The following ADCY1 variants were observed in gnomAD, a reference collection of about 807,000 sequenced individuals.
ADCY1 encodes the protein adenylate cyclase type 1.
A neutral mutation model predicts 105.4 loss-of-function variants in ADCY1; 28 were observed. The ratio of observed to expected loss-of-function variants is 0.27; its 90% CI spans 0.20 to 0.36. The LOEUF (loss-of-function observed/expected upper bound fraction) is 0.36, where lower values mean the gene tolerates loss of function less well. Among genes scored for constraint, ADCY1 ranks in the 10% least tolerant of loss-of-function variants. The probability of loss-of-function intolerance (pLI) is 1.00; values close to 1 mark genes in which losing one functional copy is unlikely to be tolerated. For missense variants in ADCY1, 977 were observed against 1,434.2 expected (o/e 0.68, Z 5.15); for synonymous variants, 655 against 623.8 (o/e 1.05, Z -0.75).
intron 4 of ADCY1, among the ~76,000 whole-genome samples, chr7:45,640,512 GAGA>G (rs1794504016): frequency 6.6e-6 from 1 of 152,346 alleles, no homozygotes; most frequent in Admixed American, 6.5e-5. Flanking sequence ...GGTTAAAGAA[GAGA>G]AGTTTTGTTT....
chr7:45,713,035 C>G (rs531521360), intron 19 of ADCY1, among the ~76,000 whole-genome samples: 1 of 152,140 alleles, frequency 6.6e-6, no homozygotes, highest in East Asian at 1.9e-4. Flanking sequence ...GCACCCCCAC[C>G]GACACCATGC....
At chr7:45,662,832 C>T (rs565078553) in intron 8 of ADCY1, among the ~76,000 whole-genome samples, 20 of 152,338 alleles carry the variant, frequency 1.3e-4, no homozygotes, top group Non-Finnish European at 2.2e-4. Context: ...CCCAGCTTTG[C>T]GTCAGGTGCT....
intron 11 of ADCY1, among the ~76,000 whole-genome samples, chr7:45,681,086 A>T (rs762433196): frequency 1.3e-5 from 2 of 152,306 alleles, no homozygotes; most frequent in Non-Finnish European, 2.9e-5. Context: ...AGGCTAAGGG[A>T]TGTGCTCATG....
At chr7:45,663,082 G>T (rs556291235) in intron 8 of ADCY1, among the ~76,000 whole-genome samples, 1 of 152,236 alleles carries the variant, frequency 6.6e-6, no homozygotes, top group Admixed American at 6.5e-5. Flanking sequence ...CCAGTAGGGC[G>T]TGTGCCTAGG....
intron 7 of ADCY1, among the ~76,000 whole-genome samples, chr7:45,661,478 G>A (rs778500927): frequency 3.3e-5 from 5 of 152,044 alleles, no homozygotes; most frequent in East Asian, 3.9e-4. Flanking sequence ...CAGCAGGAAC[G>A]ATGACAGTGG....
At chr7:45,599,335 T>A (rs1793158667) in intron 2 of ADCY1, among the ~76,000 whole-genome samples, 1 of 151,846 alleles carries the variant, frequency 6.6e-6, no homozygotes, top group Admixed American at 6.6e-5. Flanking sequence ...AGGCGTCTTG[T>A]TCCCCTGTGG....
intron 2 of ADCY1, among the ~76,000 whole-genome samples, chr7:45,594,251 A>G (rs1367053576): frequency 6.6e-6 from 1 of 152,118 alleles, no homozygotes; most frequent in Non-Finnish European, 1.5e-5. Context: ...ATGTGTGTGC[A>G]TGAATGTGTC....
chr7:45,710,458 T>C lies in ADCY1; in HGVS notation c.2933-70T>C. On this transcript the variant is annotated intron_variant, in intron 18 of 19. Transcript: ENST00000297323. The surrounding 1 kb of genome is among the most constrained non-coding windows in gnomAD (Gnocchi z 4.7). ...TCCACCAGGAGCAGCATCAGGTGCATTTGGTGGCCCTGGTGGGGTGAGTTA... is the reference window on the plus strand; with the variant it reads ...TCCACCAGGAGCAGCATCAGGTGCACTTGGTGGCCCTGGTGGGGTGAGTTA... The C allele has an allele frequency of 6.4e-7, 1 of 1,565,234 alleles. No homozygotes were observed. The highest frequency in any genetic ancestry group is 1.2e-5 in the South Asian group (1 of 83,628).
intron 3 of ADCY1, among the ~76,000 whole-genome samples, chr7:45,621,368 G>A (rs1356691681): frequency 6.6e-6 from 1 of 152,124 alleles, no homozygotes; most frequent in Non-Finnish European, 1.5e-5. Context: ...GCCCTGCCAT[G>A]AATCTTTTAT....
rs1435434861 is a variant in ADCY1 at position 45,710,348 on chromosome 7, C to G, written c.2933-180C>G. Reference sequence around the variant, plus strand: ...AGCCCGTGCAGCAGGGCAGCTGCCTCTCTGGTGCTGTGTGTGATGCTTCAG... The same window carrying G: ...AGCCCGTGCAGCAGGGCAGCTGCCTGTCTGGTGCTGTGTGTGATGCTTCAG... On this transcript the variant is annotated intron_variant, in intron 18 of 19. Transcript: ENST00000297323. The surrounding 1 kb of genome is among the most constrained non-coding windows in gnomAD (Gnocchi z 4.7). 2.6e-5 allele frequency among the ~76,000 whole-genome samples: 4 copies of G among 152,154 alleles called. No homozygotes were observed. The highest frequency in any genetic ancestry group is 7.2e-5 in the African/African-American group (3 of 41,428).
At chr7:45,577,371 C>G (rs752495516) in intron 1 of ADCY1, among the ~76,000 whole-genome samples, 9 of 152,176 alleles carry the variant, frequency 5.9e-5, no homozygotes, top group Non-Finnish European at 8.8e-5. Flanking sequence ...GGGAGACTTA[C>G]AGTGGGGGGA....
At chr7:45,593,702 G>A (rs1248115950) in intron 2 of ADCY1, among the ~76,000 whole-genome samples, 2 of 152,220 alleles carry the variant, frequency 1.3e-5, no homozygotes, top group Non-Finnish European at 2.9e-5. Context: ...CATGTCTCAG[G>A]CCTGTAGCTG....
At chr7:45,711,690 CATATATGTATAT>C (rs1040821260) in intron 19 of ADCY1, among the ~76,000 whole-genome samples, 3 of 137,928 alleles carry the variant, frequency 2.2e-5, no homozygotes, top group African/African-American at 8.0e-5. Context: ...TATACACACA[CATATATGTATAT>C]ATACATATAT....
At chr7:45,627,437 G>A (rs1006047723) in intron 4 of ADCY1, among the ~76,000 whole-genome samples, 2 of 152,198 alleles carry the variant, frequency 1.3e-5, no homozygotes, top group Admixed American at 1.3e-4. Context: ...GGGAGGGGTT[G>A]GCCTGTGGAC....
At chr7:45,623,304 G>T (rs1046268550) in intron 4 of ADCY1, among the ~76,000 whole-genome samples, 3 of 152,258 alleles carry the variant, frequency 2.0e-5, no homozygotes, top group Non-Finnish European at 4.4e-5. Flanking sequence ...AAGTTCTGCT[G>T]AATGTCGGGC....
At chr7:45,574,184 G>C, upstream of ADCY1, 2 of 973,548 alleles carry the variant, frequency 2.1e-6, no homozygotes, top group South Asian at 9.5e-5. The surrounding 1 kb of genome is among the most constrained non-coding windows in gnomAD (Gnocchi z 7.0). Flanking sequence ...GAGGGGACAA[G>C]GAAGGTACTC....
intron 4 of ADCY1, among the ~76,000 whole-genome samples, chr7:45,624,562 A>T (rs947560666): frequency 1.3e-5 from 2 of 152,130 alleles, no homozygotes; most frequent in African/African-American, 4.8e-5. Context: ...CCCCACAGGA[A>T]TTTTTGTGGG....
intron 1 of ADCY1, among the ~76,000 whole-genome samples, chr7:45,579,632 G>T (rs1168381602): frequency 6.6e-6 from 1 of 152,216 alleles, no homozygotes; most frequent in Non-Finnish European, 1.5e-5. Context: ...AGCCGGGTCA[G>T]GGAGGGTAAG....
rs1792332849 is a variant in ADCY1, at chr7:45,575,958, C to T, written c.639+776C>T. Reference sequence around the variant, plus strand: ...GCTCTTCCAACTGCCCGGAGGTGGACGTGGACCAGAGGTCTTTGCCCCACG... The same window carrying T: ...GCTCTTCCAACTGCCCGGAGGTGGATGTGGACCAGAGGTCTTTGCCCCACG... On this transcript the variant is annotated intron_variant, in intron 1 of 19. Transcript: ENST00000297323. This position sits in a 1 kb window ranked among gnomAD's most constrained non-coding sequence, Gnocchi z 4.7. Among the ~76,000 whole-genome samples the T allele has an allele frequency of 6.6e-6, 1 of 152,184 alleles. No homozygotes were observed. The highest frequency in any genetic ancestry group is 2.4e-5 in the African/African-American group (1 of 41,456).
Sources: gnomAD v4.1 joint callset for allele counts (sites outside exome capture counted in the v4.1 genomes callset) on GRCh38, gnomAD v4.1.1 for gene constraint, Gnocchi (gnomAD v3.1) non-coding constraint, MANE v1.5 for transcripts, NCBI Gene and HGNC (gene_info 2026-07-23, HGNC 2026-07-21) for gene names.